Variants in RBFOX1 observed in about 807,000 individuals in gnomAD.
The protein encoded by RBFOX1 is RNA binding protein fox-1 homolog 1.
A neutral mutation model predicts 57.7 loss-of-function variants in RBFOX1; 8 were observed. That is an observed-to-expected ratio of 0.14 (90% CI 0.08 to 0.25). The LOEUF is 0.25. Among genes scored for constraint, RBFOX1 ranks in the 10% least tolerant of loss-of-function variants. The pLI is 1.00. For synonymous variants in RBFOX1, 326 were observed against 222.4 expected (o/e 1.47, Z -4.15); for missense variants, 611 against 548.5 (o/e 1.11, Z -1.14).
At chr16:7,351,033 A>C (rs1335607022) in intron 4 of RBFOX1, among the ~76,000 whole-genome samples, 1 of 152,216 alleles carries the variant, frequency 6.6e-6, no homozygotes, top group Non-Finnish European at 1.5e-5. Flanking sequence ...CCCATGGACT[A>C]GGTTTTCCAT....
intron 3 of RBFOX1, among the ~76,000 whole-genome samples, chr16:5,677,567 A>G (rs1596709631): frequency 6.6e-6 from 1 of 152,192 alleles, no homozygotes; most frequent in East Asian, 1.9e-4. Flanking sequence ...GGACCAATCC[A>G]TATTAAACAT....
At chr16:5,463,002 C>G (rs1004197969) in intron 1 of RBFOX1, among the ~76,000 whole-genome samples, 1 of 152,272 alleles carries the variant, frequency 6.6e-6, no homozygotes. Flanking sequence ...AGAAAGTGAG[C>G]AGATCAACAT....
At chr16:6,837,084 T>A (rs911500016) in intron 3 of RBFOX1, among the ~76,000 whole-genome samples, 2 of 152,158 alleles carry the variant, frequency 1.3e-5, no homozygotes, top group Non-Finnish European at 2.9e-5. Flanking sequence ...TATATATTGG[T>A]TAACAATAGC....
intron 3 of RBFOX1, among the ~76,000 whole-genome samples, chr16:5,814,717 A>G (rs1206393964): frequency 6.6e-6 from 1 of 152,130 alleles, no homozygotes; most frequent in Non-Finnish European, 1.5e-5. Context: ...TCATGAGGTC[A>G]GGAGATCGAG....
chr16:7,627,371 G>A (rs149618167), intron 10 of RBFOX1, among the ~76,000 whole-genome samples: 1,842 of 152,198 alleles, frequency 0.012, 19 homozygotes, highest in Middle Eastern at 0.02. Context: ...GATTAATTCC[G>A]TTCTGGCTAA....
intron 4 of RBFOX1, among the ~76,000 whole-genome samples, chr16:7,200,520 AC>A (rs2088084301): frequency 6.6e-6 from 1 of 152,184 alleles, no homozygotes; most frequent in Non-Finnish European, 1.5e-5. Context: ...CCCACAGACA[AC>A]ATCACTGCTT....
At chr16:5,924,562 A>C (rs185022107) in intron 4 of RBFOX1, among the ~76,000 whole-genome samples, 64 of 151,946 alleles carry the variant, frequency 4.2e-4, no homozygotes, top group African/African-American at 1.3e-3. Flanking sequence ...GTACTCACCA[A>C]CTCCCCTTCA....
At chr16:6,760,619 G>T (rs2076466856) in intron 3 of RBFOX1, among the ~76,000 whole-genome samples, 1 of 152,178 alleles carries the variant, frequency 6.6e-6, no homozygotes, top group Non-Finnish European at 1.5e-5. Context: ...TGAAGTACTA[G>T]ACTGAATTGG....
chr16:5,848,817 C>A (rs574475869), intron 3 of RBFOX1, among the ~76,000 whole-genome samples: 2 of 151,908 alleles, frequency 1.3e-5, no homozygotes, highest in African/African-American at 4.8e-5. Context: ...GGCATGGTGG[C>A]GGACACCTGT....
chr16:6,811,265 G>C, intron 3 of RBFOX1, among the ~76,000 whole-genome samples: 1 of 152,120 alleles, frequency 6.6e-6, no homozygotes, highest in Admixed American at 6.5e-5. Flanking sequence ...GAGTAAAAGA[G>C]AACAAAAGAA....
chr16:5,397,033 C>T (rs1324377174), intron 1 of RBFOX1, among the ~76,000 whole-genome samples: 1 of 152,168 alleles, frequency 6.6e-6, no homozygotes, highest in African/African-American at 2.4e-5. Flanking sequence ...AGGGGCCATC[C>T]CTACCAAAGG....
intron 4 of RBFOX1, among the ~76,000 whole-genome samples, chr16:7,368,656 T>C (rs2097509629): frequency 1.3e-5 from 2 of 150,896 alleles, no homozygotes; most frequent in South Asian, 2.1e-4. Flanking sequence ...GGCGGGCACC[T>C]GTAGTCCCAG....
At chr16:7,706,621 G>A (rs867720755) in intron 14 of RBFOX1, among the ~76,000 whole-genome samples, 2 of 152,052 alleles carry the variant, frequency 1.3e-5, no homozygotes, top group Admixed American at 6.5e-5. Flanking sequence ...CATTTGTTTT[G>A]AGGTAACACC....
At chr16:7,525,519 G>T (rs574979186) in intron 5 of RBFOX1, among the ~76,000 whole-genome samples, 5 of 152,222 alleles carry the variant, frequency 3.3e-5, no homozygotes, top group African/African-American at 1.2e-4. Context: ...AGCTTGCACC[G>T]ATTTGCACCC....
chr16:7,574,953 A>T (rs1294028011), intron 5 of RBFOX1, among the ~76,000 whole-genome samples: 20 of 151,558 alleles, frequency 1.3e-4, no homozygotes. Context: ...TTTGTACTGC[A>T]TACACCTTTG....
At chr16:7,684,563 G>A (rs1224059714) in intron 14 of RBFOX1, among the ~76,000 whole-genome samples, 1 of 151,782 alleles carries the variant, frequency 6.6e-6, no homozygotes, top group Admixed American at 6.6e-5. Flanking sequence ...ATAGAAATAT[G>A]CCACACATAT....
chr16:7,054,125 C>G lies in RBFOX1; in HGVS notation c.27+2027C>G, dbSNP rs193128712. 9.6e-5 allele frequency among the ~76,000 whole-genome samples: 14 copies of G among 145,672 alleles called. No individual in the cohort carries two copies. The East Asian group carries it at 2.5e-3, about 26-fold the overall frequency. The stretch of plus-strand genomic sequence containing the variant: ...CATCTCTTTCTTCTTCCTTTCCTCC[C>G]TCCCTCTTTTCCTTTCACACCTGTG... On this transcript the variant is annotated intron_variant, in intron 4 of 15. Coordinates refer to ENST00000550418, the MANE Select transcript of RBFOX1 (RefSeq NM_018723.4).
intron 3 of RBFOX1, among the ~76,000 whole-genome samples, chr16:6,676,673 C>CTTTTTTTTTTTTTTTTTTTTTTTTTT (rs756578276): frequency 5.8e-5 from 6 of 103,548 alleles, no homozygotes; most frequent in East Asian, 2.7e-4. Flanking sequence ...TTTTTCTTTT[C>CTTTTTTTTTTTTTTTTTTTTTTTTTT]TTTTTTTTTT....
intron 1 of RBFOX1, among the ~76,000 whole-genome samples, chr16:6,125,858 C>T (rs1038037408): frequency 2.6e-5 from 4 of 152,134 alleles, no homozygotes; most frequent in South Asian, 2.1e-4. Context: ...CCTACTGATA[C>T]TGCCGGGGAG....
Sources: gnomAD v4.1 joint callset for allele counts (sites outside exome capture counted in the v4.1 genomes callset) on GRCh38, gnomAD v4.1.1 for gene constraint, MANE v1.5 for transcripts, NCBI Gene and HGNC (gene_info 2026-07-23, HGNC 2026-07-21) for gene names.